ERICH3: variants seen among roughly 807,000 people sequenced by gnomAD.
The protein encoded by ERICH3 is glutamate-rich protein 3.
A neutral mutation model predicts 131.1 loss-of-function variants in ERICH3; 126 were observed. The ratio of observed to expected loss-of-function variants is 0.96; its 90% CI spans 0.83 to 1.11. The LOEUF is 1.11. Ranked by LOEUF, ERICH3 falls within the 50% of genes most tolerant of loss-of-function variation. The pLI, the probability that ERICH3 is intolerant of heterozygous loss-of-function variation, is 0.00. For missense variants in ERICH3, 2,050 were observed against 1,810.7 expected (o/e 1.13, Z -2.40); for synonymous variants, 695 against 644.6 (o/e 1.08, Z -1.18).
intron 12 of ERICH3, among the ~76,000 whole-genome samples, chr1:74,580,423 G>C (rs1380415840): frequency 6.6e-6 from 1 of 152,058 alleles, no homozygotes; most frequent in African/African-American, 2.4e-5. Flanking sequence ...ACATATTTCT[G>C]ACTATTCCCT....
At chr1:74,603,775 A>G (rs879771677) in intron 10 of ERICH3, among the ~76,000 whole-genome samples, 2 of 151,902 alleles carry the variant, frequency 1.3e-5, no homozygotes, top group Non-Finnish European at 2.9e-5. Flanking sequence ...CCTTAACTAA[A>G]ATCACTTTAT....
At chr1:74,578,892 G>A (rs893471702) in intron 12 of ERICH3, among the ~76,000 whole-genome samples, 6 of 152,054 alleles carry the variant, frequency 3.9e-5, no homozygotes, top group African/African-American at 9.7e-5. Context: ...CGGTTTTGGA[G>A]GGAAAATTGT....
intron 1 of ERICH3, among the ~76,000 whole-genome samples, chr1:74,665,821 G>A (rs765423702): frequency 7.9e-5 from 12 of 152,114 alleles, no homozygotes; most frequent in Non-Finnish European, 1.5e-4. Flanking sequence ...GAGGAACTGA[G>A]GGTTAGGACT....
intron 3 of ERICH3, among the ~76,000 whole-genome samples, chr1:74,645,465 C>G (rs1300141688): frequency 6.6e-6 from 1 of 151,128 alleles, no homozygotes; most frequent in East Asian, 1.9e-4. Context: ...TAACATTTAT[C>G]TAAAATATTT....
chr1:74,578,623 T>TTTCC (rs1052760931), intron 12 of ERICH3: 9 of 152,422 alleles, frequency 5.9e-5, no homozygotes, highest in East Asian at 1.9e-4. Flanking sequence ...TCTGTCCTTT[T>TTTCC]TTCCTTCCTT....
chr1:74,671,449 C>T (rs978033135), intron 1 of ERICH3, among the ~76,000 whole-genome samples: 3 of 152,214 alleles, frequency 2.0e-5, no homozygotes, highest in Admixed American at 6.5e-5. Flanking sequence ...GTTTGAGACT[C>T]AGGTGGGCAT....
intron 11 of ERICH3, among the ~76,000 whole-genome samples, chr1:74,597,313 G>A (rs1012899837): frequency 6.6e-6 from 1 of 151,626 alleles, no homozygotes; most frequent in African/African-American, 2.4e-5. Flanking sequence ...TGACGATGGA[G>A]TAAAAAAAAA....
At chr1:74,598,808 G>A (rs1173737976) in intron 11 of ERICH3, among the ~76,000 whole-genome samples, 2 of 151,804 alleles carry the variant, frequency 1.3e-5, no homozygotes, top group East Asian at 1.9e-4. Context: ...ATCCTTGTTA[G>A]GAATGTGAAT....
At chr1:74,659,087 AG>A (rs1245418655) in intron 1 of ERICH3, among the ~76,000 whole-genome samples, 1 of 152,166 alleles carries the variant, frequency 6.6e-6, no homozygotes, top group Non-Finnish European at 1.5e-5. Flanking sequence ...ACTTGGGAGC[AG>A]GGGGATGATT....
rs370779572 is a variant in ERICH3, at chr1:74,572,343, C to T, written c.3367G>A (p.Gly1123Arg). Residue 1123 changes from glycine to arginine, a missense_variant, in exon 14 of 15, where the codon GGA becomes AGA. Physicochemically the swap from Gly to Arg is moderately radical, Grantham distance 125. Transcript: ENST00000326665. ...GGTGCTTCGTTCTCAGCATCAGATC[C>T]CATTTCATTTGGGGGAGCTTTTGTC... ...EETKAPPNEM[G>R]SDAENEAPVE... The T allele has an allele frequency of 1.2e-6, 2 of 1,613,714 alleles. No individual in the cohort carries two copies. Among genetic ancestry groups the T allele is most frequent in the Admixed American group, 1.7e-5 (1 of 59,978 alleles).
intron 1 of ERICH3, among the ~76,000 whole-genome samples, chr1:74,661,812 G>C (rs1646644209): frequency 6.6e-6 from 1 of 152,156 alleles, no homozygotes; most frequent in African/African-American, 2.4e-5. Flanking sequence ...TAACTCCCCT[G>C]AGTTTACATA....
At chr1:74,606,992 C>A (rs1029522605) in intron 9 of ERICH3, 90 bp from the exon 10 acceptor site, 3 of 1,224,450 alleles carry the variant, frequency 2.5e-6, no homozygotes, top group East Asian at 4.7e-5. Context: ...ATCTCTTATT[C>A]CAGTAAAAAA....
Position 74,620,972 on chromosome 1 carries a change from A to T in ERICH3, c.820-58T>A, listed in dbSNP as rs1393517791. 3.0e-6 allele frequency: 4 copies of T among 1,347,360 alleles called. No individual in the cohort carries two copies. In the African/African-American group the frequency reaches 5.9e-5, roughly 20 times the overall value. The allele number at this position is 1,347,360 out of a possible 1,614,324, so 83.5% of individuals were successfully genotyped here. Reference sequence around the variant, plus strand: ...GAATTACTTTCTAATGAGAGTTCTTACCTGACATTGTAATATGAAGAATAA... The same window carrying T: ...GAATTACTTTCTAATGAGAGTTCTTTCCTGACATTGTAATATGAAGAATAA... On this transcript the variant is annotated intron_variant, in intron 7 of 14. Coordinates refer to ENST00000326665, the MANE Select transcript of ERICH3 (RefSeq NM_001002912.5).
chr1:74,635,221 A>T (rs536822599), intron 6 of ERICH3, among the ~76,000 whole-genome samples: 2 of 152,172 alleles, frequency 1.3e-5, no homozygotes, highest in African/African-American at 4.8e-5. Context: ...TTGACATAAG[A>T]CTCAAGAAGT....
intron 6 of ERICH3, chr1:74,634,648 A>C (rs1173643392): frequency 1.4e-6 from 1 of 714,830 alleles, no homozygotes. Flanking sequence ...ATGGAACTTA[A>C]AAAATAATAT....
At chr1:74,635,511 G>A (rs932628720) in intron 6 of ERICH3, among the ~76,000 whole-genome samples, 23 of 152,006 alleles carry the variant, frequency 1.5e-4, no homozygotes, top group East Asian at 3.9e-4. Flanking sequence ...TATATCTTGC[G>A]TTTCTTAAAT....
chr1:74,584,863 T>A (rs1199435062), intron 12 of ERICH3, among the ~76,000 whole-genome samples: 5 of 152,112 alleles, frequency 3.3e-5, no homozygotes, highest in East Asian at 1.9e-4. Context: ...CTTCCACAGG[T>A]CATTCAGAAA....
chr1:74,672,370 G>A (rs538010201), intron 1 of ERICH3, among the ~76,000 whole-genome samples: 70 of 152,316 alleles, frequency 4.6e-4, no homozygotes, highest in African/African-American at 1.7e-3. Flanking sequence ...AAAAGTTTAT[G>A]TAATCATAGC....
In ERICH3 at chr1:74,573,073, T is replaced by C; in HGVS notation, c.2637A>G (p.Gln879=). Residue 879 remains glutamine (Q), a synonymous_variant, in exon 14 of 15, where the codon CAA becomes CAG. Transcript: ENST00000326665. ...GLSKDEAPEK[Q]ALMLTVLETD... ...TCTCAAGCACTGTGAGCATCAAGGC[T>C]TGCTTTTCAGGAGCCTCATCTTTAC... 6.2e-7 allele frequency: 1 copy of C among 1,614,200 alleles called. No homozygotes were observed. The highest frequency in any genetic ancestry group is 8.5e-7 in the Non-Finnish European group (1 of 1,180,014).
Sources: gnomAD v4.1 joint callset for allele counts (sites outside exome capture counted in the v4.1 genomes callset) on GRCh38, gnomAD v4.1.1 for gene constraint, MANE v1.5 for transcripts, NCBI Gene and HGNC (gene_info 2026-07-23, HGNC 2026-07-21) for gene names.